Variants in ACBD6 observed in about 807,000 individuals in gnomAD.
ACBD6 encodes the protein acyl-CoA-binding domain-containing protein 6.
In ACBD6, 28 loss-of-function variants were observed where a neutral mutation model predicts 37.2. That is an observed-to-expected ratio of 0.75 (90% confidence interval 0.56 to 1.03). The LOEUF (loss-of-function observed/expected upper bound fraction) is 1.03, where lower values mean the gene tolerates loss of function less well. Among genes scored for constraint, ACBD6 ranks in the 50% least tolerant of loss-of-function variants. ACBD6 has a pLI of 0.00. For missense variants in ACBD6, 340 were observed against 337.4 expected (o/e 1.01, Z -0.06); for synonymous variants, 113 against 126.8 (o/e 0.89, Z 0.73).
At chr1:180,420,942 C>T (rs1240104986) in intron 4 of ACBD6, among the ~76,000 whole-genome samples, 1 of 152,112 alleles carries the variant, frequency 6.6e-6, no homozygotes, top group Non-Finnish European at 1.5e-5. Context: ...GCATTTTTTT[C>T]CTCCCCCAGA....
intron 6 of ACBD6, among the ~76,000 whole-genome samples, chr1:180,329,903 A>C (rs781537662): frequency 5.1e-4 from 78 of 152,288 alleles, no homozygotes; most frequent in Non-Finnish European, 8.8e-4. Context: ...CATTTGTCTA[A>C]TCCTCCACAA....
At chr1:180,452,881 G>C (rs1649769263) in intron 3 of ACBD6, among the ~76,000 whole-genome samples, 1 of 152,136 alleles carries the variant, frequency 6.6e-6, no homozygotes, top group Admixed American at 6.6e-5. Context: ...TCGAATCCCT[G>C]AATAGACCAA....
In ACBD6 at chr1:180,314,728, A is replaced by G. The variant is rs1212264173; in HGVS notation, c.664-6T>C. 1 of 1,529,400 alleles carries G rather than the reference A, an allele frequency of 6.5e-7. No homozygotes were observed. Among genetic ancestry groups the G allele is most frequent in the Admixed American group, 1.7e-5 (1 of 59,374 alleles). 94.7% of individuals were successfully genotyped at this position (1,529,400 alleles called of 1,614,324 possible). ...GCTGTTTGGCCTTCATTGTCCTATAAAAGAAACAAATAATACATTTTAGAA... is the reference window on the plus strand; with the variant it reads ...GCTGTTTGGCCTTCATTGTCCTATAGAAGAAACAAATAATACATTTTAGAA... On this transcript the variant is annotated splice_polypyrimidine_tract_variant and splice_region_variant and intron_variant, in intron 6 of 7. Transcript: ENST00000367595.
intron 5 of ACBD6, among the ~76,000 whole-genome samples, chr1:180,408,230 G>A (rs1647706564): frequency 6.6e-6 from 1 of 152,156 alleles, no homozygotes; most frequent in Non-Finnish European, 1.5e-5. Flanking sequence ...GCTTAGCAAT[G>A]AGTATTTACA....
At chr1:180,490,315 TAATAA>T (rs945190250) in intron 3 of ACBD6, among the ~76,000 whole-genome samples, 1 of 152,108 alleles carries the variant, frequency 6.6e-6, no homozygotes, top group Admixed American at 6.6e-5. Context: ...TTATAAAAGA[TAATAA>T]AATAGAAAAT....
At chr1:180,341,317 T>A (rs894343309) in intron 6 of ACBD6, among the ~76,000 whole-genome samples, 1 of 152,106 alleles carries the variant, frequency 6.6e-6, no homozygotes, top group South Asian at 2.1e-4. Context: ...AAAAAGAATA[T>A]GGATAAGAGA....
At chr1:180,292,131 T>G (rs1398304977) in intron 7 of ACBD6, among the ~76,000 whole-genome samples, 1 of 152,212 alleles carries the variant, frequency 6.6e-6, no homozygotes, top group Non-Finnish European at 1.5e-5. Context: ...TTTATTCTTT[T>G]TCAAAGTTGT....
chr1:180,380,219 C>T (rs80107491), intron 6 of ACBD6, among the ~76,000 whole-genome samples: 1,804 of 152,246 alleles, frequency 0.012, 32 homozygotes, highest in African/African-American at 0.038. Flanking sequence ...CATTATCATG[C>T]TACTGGGTGA....
In ACBD6 at chr1:180,379,746, C is replaced by T. The variant is rs778623330; in HGVS notation, c.663+17770G>A. Among the ~76,000 whole-genome samples the T allele has an allele frequency of 2.3e-4, 35 of 152,170 alleles. 1 individual carries two copies. Among genetic ancestry groups the T allele is most frequent in the Admixed American group, 9.8e-4 (15 of 15,274 alleles). Reference sequence around the variant, plus strand: ...GAGAACAAAAAAACAATGAGTAAAACCTTTGTGACATATGGGCCACCATAA... The same window carrying T: ...GAGAACAAAAAAACAATGAGTAAAATCTTTGTGACATATGGGCCACCATAA... On this transcript the variant is annotated intron_variant, in intron 6 of 7. Transcript: ENST00000367595.
At chr1:180,327,988 G>A (rs373256956) in intron 6 of ACBD6, among the ~76,000 whole-genome samples, 1 of 152,094 alleles carries the variant, frequency 6.6e-6, no homozygotes, top group African/African-American at 2.4e-5. Context: ...CAAATTGTGT[G>A]CCTCATCAAA....
intron 6 of ACBD6, among the ~76,000 whole-genome samples, chr1:180,346,866 A>G (rs1367930716): frequency 6.6e-6 from 1 of 152,064 alleles, no homozygotes; most frequent in Non-Finnish European, 1.5e-5. Context: ...AAATACAAAA[A>G]TTAGCCAGGC....
At chr1:180,271,697 G>C (rs1182436638) in exon 14 of ACBD6, 1 of 1,283,020 alleles carries the variant, frequency 7.8e-7, no homozygotes, top group Non-Finnish European at 1.1e-6. Context: ...TGGGGAGAGG[G>C]GGTGGGGCGC....
At chr1:180,439,645 T>C (rs2102011133) in intron 3 of ACBD6, among the ~76,000 whole-genome samples, 1 of 152,276 alleles carries the variant, frequency 6.6e-6, no homozygotes, top group East Asian at 1.9e-4. Flanking sequence ...ACACTCAGCC[T>C]CAAGCAATTC....
At chr1:180,361,599 C>T in intron 6 of ACBD6, among the ~76,000 whole-genome samples, 1 of 147,790 alleles carries the variant, frequency 6.8e-6, no homozygotes, top group South Asian at 2.1e-4. Context: ...AAAGCCAACC[C>T]TCAAAGGAGA....
chr1:180,271,250 C>T (rs536093530), exon 14 of ACBD6: 2 of 995,906 alleles, frequency 2.0e-6, no homozygotes, highest in Non-Finnish European at 1.6e-6. Context: ...CTCTGATGTC[C>T]CCTGTGCCTC....
At chr1:180,375,544 T>C (rs941635345) in intron 6 of ACBD6, among the ~76,000 whole-genome samples, 2 of 152,194 alleles carry the variant, frequency 1.3e-5, no homozygotes, top group Non-Finnish European at 2.9e-5. Context: ...CAGGCTGTTC[T>C]TGAGCTCCTA....
intron 5 of ACBD6, among the ~76,000 whole-genome samples, chr1:180,403,478 T>C (rs1303375382): frequency 1.3e-5 from 2 of 152,234 alleles, no homozygotes; most frequent in African/African-American, 4.8e-5. Flanking sequence ...AATGTCTAGA[T>C]ATTGATAAAG....
At chr1:180,299,034 A>G (rs184296292) in intron 7 of ACBD6, among the ~76,000 whole-genome samples, 2 of 151,338 alleles carry the variant, frequency 1.3e-5, no homozygotes, top group East Asian at 3.9e-4. Context: ...ATAGTTGTTG[A>G]AAAAATATGC....
chr1:180,357,127 G>A (rs772860666), intron 6 of ACBD6, among the ~76,000 whole-genome samples: 1 of 152,256 alleles, frequency 6.6e-6, no homozygotes, highest in South Asian at 2.1e-4. Flanking sequence ...TCTTGATTCA[G>A]ACATGCTGTT....
Sources: gnomAD v4.1 joint callset for allele counts (sites outside exome capture counted in the v4.1 genomes callset) on GRCh38, gnomAD v4.1.1 for gene constraint, MANE v1.5 for transcripts, NCBI Gene and HGNC (gene_info 2026-07-23, HGNC 2026-07-21) for gene names.